The following PCDH9 variants were observed in gnomAD, a reference collection of about 807,000 sequenced individuals.
PCDH9 encodes protocadherin-9.
PCDH9 carries 24 observed loss-of-function variants against 70.6 expected under a neutral mutation model. The observed-to-expected ratio is 0.34, with a 90% CI of 0.25 to 0.48. PCDH9 has a LOEUF of 0.48. Ranked by LOEUF, PCDH9 falls within the 20% of genes least tolerant of loss-of-function variation. The probability of loss-of-function intolerance (pLI) is 0.99; values close to 1 mark genes in which losing one functional copy is unlikely to be tolerated. For missense variants in PCDH9, 1,281 were observed against 1,503.6 expected, an observed-to-expected ratio of 0.85 and a Z score of 2.45; for synonymous variants, 562 against 558.5, an observed-to-expected ratio of 1.01 and a Z score of -0.09.
chr13:66,700,989 G>A (rs2078639069), intron 3 of PCDH9, among the ~76,000 whole-genome samples: 1 of 128,362 alleles, frequency 7.8e-6, no homozygotes, highest in Non-Finnish European at 1.6e-5. Flanking sequence ...CAGGTATAGG[G>A]CATTAATTTA....
intron 4 of PCDH9, among the ~76,000 whole-genome samples, chr13:66,596,869 T>G (rs917581638): frequency 2.6e-5 from 4 of 150,964 alleles, no homozygotes; most frequent in African/African-American, 9.7e-5. Flanking sequence ...TAGCAGAACA[T>G]GGCTATTCTT....
chr13:66,369,971 G>C (rs1323893284), intron 4 of PCDH9, among the ~76,000 whole-genome samples: 1 of 152,016 alleles, frequency 6.6e-6, no homozygotes, highest in African/African-American at 2.4e-5. Context: ...TTTCTCCAGT[G>C]AAAAATACAG....
chr13:66,896,470 T>C (rs186440742), intron 3 of PCDH9, among the ~76,000 whole-genome samples: 145 of 152,242 alleles, frequency 9.5e-4, no homozygotes, highest in Middle Eastern at 3.4e-3. Flanking sequence ...TAAGAGGCTA[T>C]TATATGTAAA....
Position 67,094,006 on chromosome 13 carries a change from C to T in PCDH9, c.3036+131399G>A, listed in dbSNP as rs536637052. Among the ~76,000 whole-genome samples the T allele has an allele frequency of 1.1e-4, 16 of 152,242 alleles. 1 individual carries two copies. The South Asian group carries it at 3.3e-3, about 32-fold the overall frequency. On this transcript the variant is annotated intron_variant, in intron 2 of 4. Coordinates refer to ENST00000377865, the MANE Select transcript of PCDH9 (RefSeq NM_203487.3). Reference sequence around the variant, plus strand: ...TCTACTCTTCTTTTCCATGTACTCCCATTGTCTCTGAAGAATACATATGCT... The same window carrying T: ...TCTACTCTTCTTTTCCATGTACTCCTATTGTCTCTGAAGAATACATATGCT...
chr13:66,730,872 G>GTA (rs1438716892), intron 3 of PCDH9, among the ~76,000 whole-genome samples: 1 of 59,736 alleles, frequency 1.7e-5, no homozygotes, highest in Non-Finnish European at 2.8e-5. Flanking sequence ...TTTTGTGTGT[G>GTA]TGTGTTTTTT....
intron 2 of PCDH9, among the ~76,000 whole-genome samples, chr13:66,917,299 C>T (rs776381899): frequency 6.6e-6 from 1 of 151,424 alleles, no homozygotes; most frequent in Non-Finnish European, 1.5e-5. Context: ...ACACACTTGC[C>T]TTACATATAT....
intron 2 of PCDH9, among the ~76,000 whole-genome samples, chr13:67,130,753 G>A (rs932311988): frequency 1.3e-5 from 2 of 152,082 alleles, no homozygotes; most frequent in Non-Finnish European, 2.9e-5. Flanking sequence ...CTGCCAGGCA[G>A]CAAGCCATAT....
intron 4 of PCDH9, among the ~76,000 whole-genome samples, chr13:66,610,775 T>C (rs1157727274): frequency 6.6e-6 from 1 of 152,184 alleles, no homozygotes; most frequent in African/African-American, 2.4e-5. Context: ...ATTTTTTTCC[T>C]AATAAAGAGA....
intron 3 of PCDH9, among the ~76,000 whole-genome samples, chr13:66,632,850 G>A (rs2077589213): frequency 6.6e-6 from 1 of 151,808 alleles, no homozygotes; most frequent in South Asian, 2.1e-4. Context: ...ATAAAATGAT[G>A]AATGTATATA....
rs1594009458 is a variant in PCDH9 at position 66,455,527 on chromosome 13, T to C, written c.3341-150499A>G. ...GGAACATTTTAGAATCCCAATAAAG[T>C]TTTTGACTGAAAGTATGAAATAATA... On this transcript the variant is annotated intron_variant, in intron 4 of 4. Coordinates refer to ENST00000377865, the MANE Select transcript of PCDH9 (RefSeq NM_203487.3). 2.6e-5 allele frequency among the ~76,000 whole-genome samples: 4 copies of C among 152,128 alleles called. No individual in the cohort carries two copies. The South Asian group carries it at 8.3e-4, about 32-fold the overall frequency.
intron 2 of PCDH9, among the ~76,000 whole-genome samples, chr13:67,012,814 C>T (rs562681747): frequency 2.6e-5 from 4 of 151,972 alleles, no homozygotes; most frequent in Admixed American, 1.3e-4. Flanking sequence ...CACACTGTAG[C>T]GAAAATTCCG....
intron 4 of PCDH9, among the ~76,000 whole-genome samples, chr13:66,470,920 T>A (rs925908683): frequency 1.3e-5 from 2 of 150,534 alleles, no homozygotes; most frequent in Non-Finnish European, 3.0e-5. Flanking sequence ...GGAAGAATTT[T>A]AAAAAATAAA....
chr13:66,724,632 C>T (rs2078982680), intron 3 of PCDH9, among the ~76,000 whole-genome samples: 1 of 152,136 alleles, frequency 6.6e-6, no homozygotes, highest in South Asian at 2.1e-4. Context: ...TCAACAAATC[C>T]TCCTTATTTT....
intron 2 of PCDH9, among the ~76,000 whole-genome samples, chr13:66,931,530 T>C (rs961082326): frequency 2.0e-5 from 3 of 152,160 alleles, no homozygotes; most frequent in African/African-American, 7.2e-5. Flanking sequence ...AAATGTAACC[T>C]GTTTAATTTT....
At chr13:66,346,026 A>G (rs1956207781) in intron 4 of PCDH9, among the ~76,000 whole-genome samples, 2 of 152,148 alleles carry the variant, frequency 1.3e-5, no homozygotes, top group South Asian at 2.1e-4. Context: ...TCAGATGGTA[A>G]ATAGCTAATG....
At chr13:66,432,318 A>C (rs915119406) in intron 4 of PCDH9, among the ~76,000 whole-genome samples, 1 of 151,988 alleles carries the variant, frequency 6.6e-6, no homozygotes, top group Non-Finnish European at 1.5e-5. Context: ...TTTAAAGACA[A>C]CTTTGGGAAT....
chr13:66,962,422 G>A (rs897473530), intron 2 of PCDH9, among the ~76,000 whole-genome samples: 2 of 152,238 alleles, frequency 1.3e-5, no homozygotes, highest in South Asian at 4.1e-4. Flanking sequence ...CTTAATGAGG[G>A]TGATTAGAAC....
intron 4 of PCDH9, among the ~76,000 whole-genome samples, chr13:66,459,018 G>T (rs1237313437): frequency 6.6e-6 from 1 of 151,906 alleles, no homozygotes; most frequent in African/African-American, 2.4e-5. Context: ...GCAGGGGAGG[G>T]GGAGCAGAGG....
intron 4 of PCDH9, among the ~76,000 whole-genome samples, chr13:66,537,679 T>C (rs543424410): frequency 1.3e-5 from 2 of 152,250 alleles, no homozygotes; most frequent in East Asian, 3.9e-4. Flanking sequence ...AAGAAGGCTT[T>C]AGTGTTTACT....
Sources: allele counts gnomAD v4.1 joint callset (sites outside exome capture counted in the v4.1 genomes callset), GRCh38; gene constraint gnomAD v4.1.1; transcripts MANE v1.5; gene names NCBI Gene and HGNC (gene_info 2026-07-23, HGNC 2026-07-21).